Variants in TOMM34 observed in about 807,000 individuals in gnomAD.
TOMM34 encodes the protein translocase of outer mitochondrial membrane 34.
TOMM34 carries 24 observed loss-of-function variants against 37.4 expected under a neutral mutation model. The ratio of observed to expected loss-of-function variants is 0.64; its 90% CI spans 0.46 to 0.90. The LOEUF (loss-of-function observed/expected upper bound fraction) is 0.90. Ranked by LOEUF, TOMM34 falls within the 40% of genes least tolerant of loss-of-function variation. TOMM34 has a pLI of 0.00. For synonymous variants in TOMM34, 154 were observed against 148.9 expected, an observed-to-expected ratio of 1.03 and a Z score of -0.25; for missense variants, 304 against 375.6, an observed-to-expected ratio of 0.81 and a Z score of 1.58.
At chr20:44,948,587 G>A in intron 5 of TOMM34, 143 bp downstream of exon 5, 1 of 1,035,070 alleles carries the variant, frequency 9.7e-7, no homozygotes, top group Non-Finnish European at 1.4e-6. Flanking sequence ...CACTGGTCAT[G>A]GCTAGCTCAC....
At chr20:44,955,967 A>AT (rs1369805965) in intron 2 of TOMM34, among the ~76,000 whole-genome samples, 6 of 152,148 alleles carry the variant, frequency 3.9e-5, no homozygotes, top group Non-Finnish European at 7.4e-5. Flanking sequence ...CATGAATACC[A>AT]TTTTTTTCCT....
rs2234201 is a variant in TOMM34 at position 44,956,344 on chromosome 20, C to A, written c.227+42G>T. Reference sequence around the variant, plus strand: ...AGCCAGATTAACCCAGCCTCCTCTTCTGAGACCCTCAGGCATCCCAAAATT... The same window carrying A: ...AGCCAGATTAACCCAGCCTCCTCTTATGAGACCCTCAGGCATCCCAAAATT... On this transcript the variant is annotated intron_variant, in intron 2 of 6. Transcript: ENST00000372813. The A allele has an allele frequency of 1.9e-6, 3 of 1,594,274 alleles. No homozygotes were observed. In the East Asian group the frequency reaches 6.7e-5, roughly 36 times the overall value.
chr20:44,955,936 T>C (rs901203169), intron 2 of TOMM34, among the ~76,000 whole-genome samples: 1 of 152,230 alleles, frequency 6.6e-6, no homozygotes, highest in Non-Finnish European at 1.5e-5. Context: ...CATTGTTCAG[T>C]GTCCTCTAAA....
chr20:44,958,195 T>A (rs1476479258), intron 1 of TOMM34: 3 of 373,940 alleles, frequency 8.0e-6, no homozygotes, highest in Admixed American at 3.4e-5. Flanking sequence ...TTATGTCTAT[T>A]AAAGCATTTC....
rs2067001458 is a variant in TOMM34 at position 44,948,731 on chromosome 20, T to G, written c.697A>C (p.Arg233=). 1.2e-6 allele frequency: 2 copies of G among 1,614,032 alleles called. No individual in the cohort carries two copies. Among genetic ancestry groups the G allele is most frequent in the African/African-American group, 2.7e-5 (2 of 74,924 alleles). ...GGCCAGCAGCTGTATAGGAGATACCTGTTGCTGTACGTGGCAGATTCCAGG... is the reference window on the plus strand; with the variant it reads ...GGCCAGCAGCTGTATAGGAGATACCGGTTGCTGTACGTGGCAGATTCCAGG... ...SNLESATYSN[R]ALCYLVLKQY... is the part of the protein sequence containing the mutation. Residue 233 remains arginine, a splice_region_variant and synonymous_variant, in exon 5 of 7, where the codon AGA becomes CGA. Coordinates refer to ENST00000372813, the MANE Select transcript of TOMM34 (RefSeq NM_006809.5).
intron 4 of TOMM34, among the ~76,000 whole-genome samples, chr20:44,950,920 T>C (rs1022902810): frequency 6.6e-6 from 1 of 152,222 alleles, no homozygotes; most frequent in African/African-American, 2.4e-5. Flanking sequence ...ACAAATGGCC[T>C]CTTCATTTCA....
chr20:44,953,532 C>G (rs910156668), intron 3 of TOMM34, among the ~76,000 whole-genome samples: 3 of 152,170 alleles, frequency 2.0e-5, no homozygotes, highest in Admixed American at 1.3e-4. Context: ...TCTCACAGCC[C>G]TAATCCACCT....
intron 1 of TOMM34, among the ~76,000 whole-genome samples, chr20:44,959,191 T>G (rs891452092): frequency 6.6e-6 from 1 of 151,946 alleles, no homozygotes; most frequent in Non-Finnish European, 1.5e-5. Context: ...ACTCAAGAGA[T>G]GCTAGCCAAG....
Position 44,955,004 on chromosome 20 carries a change from C to G in TOMM34, c.380+64G>C, listed in dbSNP as rs916534228. 5 of 1,582,224 alleles carry G rather than the reference C, an allele frequency of 3.2e-6. No homozygotes were observed. The African/African-American group carries it at 4.0e-5, about 13-fold the overall frequency. On this transcript the variant is annotated intron_variant, in intron 3 of 6. Transcript: ENST00000372813. Reference sequence around the variant, plus strand: ...CCTCAGAAGACAGACAAGGCAATGGCCCGCAGCCAATCAAGAAGGACAGGG... The same window carrying G: ...CCTCAGAAGACAGACAAGGCAATGGGCCGCAGCCAATCAAGAAGGACAGGG...
At chr20:44,959,950 C>T in intron 1 of TOMM34, 1 of 985,412 alleles carries the variant, frequency 1.0e-6, no homozygotes, top group Non-Finnish European at 1.2e-6. Context: ...AAATGAATTG[C>T]TGCGGGGGAG....
chr20:44,945,944 G>A (rs1314676961), intron 5 of TOMM34, among the ~76,000 whole-genome samples: 3 of 151,898 alleles, frequency 2.0e-5, no homozygotes, highest in South Asian at 2.1e-4. Flanking sequence ...TGCAACCTCC[G>A]CCTCCTGGGT....
chr20:44,958,144 ATGTGTG>A (rs145616616), intron 1 of TOMM34, among the ~76,000 whole-genome samples: 2 of 146,978 alleles, frequency 1.4e-5, no homozygotes, highest in African/African-American at 2.5e-5. Flanking sequence ...ATGTATATAT[ATGTGTG>A]TGTGTGTGTG....
intron 1 of TOMM34, among the ~76,000 whole-genome samples, chr20:44,959,679 C>T (rs962460301): frequency 1.3e-5 from 2 of 152,144 alleles, no homozygotes; most frequent in Non-Finnish European, 2.9e-5. Context: ...CTTGGCTTCT[C>T]ATCATTTAGA....
At position 44,942,982 on chromosome 20, in the gene TOMM34, A is replaced by C. The variant is rs530734270; in HGVS notation, c.*127T>G. The C allele has an allele frequency of 3.8e-6, 3 of 795,352 alleles. No individual in the cohort carries two copies. The South Asian group carries it at 4.9e-5, about 13-fold the overall frequency. 49.3% of individuals were successfully genotyped at this position (795,352 alleles called of 1,614,324 possible). On this transcript the variant is annotated 3_prime_UTR_variant, in exon 7 of 7. Transcript: ENST00000372813. The stretch of plus-strand genomic sequence containing the variant: ...CCTCTTACAGGGTGGGAGGCCATCA[A>C]GGGATTGAGGAGGGGGCTTCAGAGC...
In TOMM34 at chr20:44,960,315, C is replaced by G. The variant is rs1473054434; in HGVS notation, c.19G>C (p.Asp7His). The change falls in exon 1 of 7, where the codon GAC becomes CAC. Residue 7 changes from aspartate (D) to histidine (H), a missense_variant. By Grantham distance (81) the Asp-to-His change is moderately conservative (BLOSUM62 -1). Transcript: ENST00000372813. ...GCGGCGCGGAGCTCCTCCACAGAGT[C>G]TGGGAATTTGGGGGCCATCCCGTGG... is the stretch of plus-strand genomic sequence containing the variant. MAPKFP[D>H]SVEELRAAGN... 11 of 1,580,980 alleles carry G rather than the reference C, an allele frequency of 7.0e-6. No individual in the cohort carries two copies. Among genetic ancestry groups the G allele is most frequent in the Non-Finnish European group, 9.4e-6 (11 of 1,164,612 alleles).
rs2066951363 is a variant in TOMM34, at chr20:44,943,281, A to G, written c.826-68T>C. On this transcript the variant is annotated intron_variant, in intron 6 of 6. Coordinates refer to ENST00000372813, the MANE Select transcript of TOMM34 (RefSeq NM_006809.5). Reference sequence around the variant, plus strand: ...CTGGGGTGGGGATAGCTGCTGAGGCAGCAAAGTGTTTTCAAACCCCAGCCC... The same window carrying G: ...CTGGGGTGGGGATAGCTGCTGAGGCGGCAAAGTGTTTTCAAACCCCAGCCC... 4 of 1,602,990 alleles carry G rather than the reference A, an allele frequency of 2.5e-6. No individual in the cohort carries two copies. The African/African-American group carries it at 5.4e-5, about 21-fold the overall frequency.
intron 3 of TOMM34, 51 bp from the exon 4 acceptor site, chr20:44,952,053 T>A: frequency 6.4e-7 from 1 of 1,566,572 alleles, no homozygotes; most frequent in African/African-American, 1.4e-5. Flanking sequence ...GTCAAGAAGA[T>A]ATTTCTCCTT....
intron 4 of TOMM34, among the ~76,000 whole-genome samples, chr20:44,950,887 T>C (rs1422113993): frequency 6.6e-6 from 1 of 152,210 alleles, no homozygotes; most frequent in East Asian, 1.9e-4. Flanking sequence ...CCCTGGAGCA[T>C]TAAAAGAGCT....
At position 44,951,820 on chromosome 20, in the gene TOMM34, A is replaced by G; in HGVS notation, c.550+13T>C. On this transcript the variant is annotated intron_variant, in intron 4 of 6. Coordinates refer to ENST00000372813, the MANE Select transcript of TOMM34 (RefSeq NM_006809.5). ...GGAGATTGCAAGACTCTGGGCAGGG[A>G]GTCACAGCTCACCTCTGTTCTTTGT... 6.2e-7 allele frequency: 1 copy of G among 1,609,880 alleles called. No homozygotes were observed.
Sources: allele counts gnomAD v4.1 joint callset (sites outside exome capture counted in the v4.1 genomes callset), GRCh38; gene constraint gnomAD v4.1.1; transcripts MANE v1.5; gene names NCBI Gene and HGNC (gene_info 2026-07-23, HGNC 2026-07-21).